SLC4A7: variants seen among roughly 807,000 people sequenced by gnomAD.
The protein encoded by SLC4A7 is solute carrier family 4 member 7.
In SLC4A7, 51 loss-of-function variants were observed where a neutral mutation model predicts 137.6. The ratio of observed to expected loss-of-function variants is 0.37; its 90% CI spans 0.30 to 0.47. The LOEUF (loss-of-function observed/expected upper bound fraction) is 0.47. SLC4A7 is among the 20% of genes least tolerant of loss of function. The pLI is 1.00. For synonymous variants in SLC4A7, 542 were observed against 518.6 expected, an observed-to-expected ratio of 1.05 and a Z score of -0.61; for missense variants, 1,247 against 1,525.4, an observed-to-expected ratio of 0.82 and a Z score of 3.04.
intron 1 of SLC4A7, among the ~76,000 whole-genome samples, chr3:27,479,587 A>G (rs1482589958): frequency 1.3e-5 from 2 of 152,238 alleles, no homozygotes; most frequent in African/African-American, 2.4e-5. Context: ...AAACACTACC[A>G]TAACACTATA....
chr3:27,424,245 T>C, intron 7 of SLC4A7, 93 bp from the exon 8 acceptor site: 1 of 625,920 alleles, frequency 1.6e-6, no homozygotes, highest in Admixed American at 3.3e-5. Flanking sequence ...TTTATGAATA[T>C]TATAAAAGCA....
rs1047188391 is a variant in SLC4A7 at position 27,438,903 on chromosome 3, G to A, written c.290-1377C>T. 1.1e-4 allele frequency among the ~76,000 whole-genome samples: 17 copies of A among 152,322 alleles called. 1 individual carries two copies. The highest frequency in any genetic ancestry group is 1.0e-3 in the Admixed American group (16 of 15,294). On this transcript the variant is annotated intron_variant, in intron 3 of 25. Transcript: ENST00000454389. ...AGCTTGGGGTTTTGGGGTGGAACAA[G>A]TCACTACGAAGAACAGATAACCCAC...
In SLC4A7 at chr3:27,394,522, AG is replaced by A; in HGVS notation, c.3112del (p.Leu1038Ter). 1 of 1,612,664 alleles carries A rather than the reference AG, an allele frequency of 6.2e-7. No homozygotes were observed. The highest frequency in any genetic ancestry group is 2.2e-5 in the East Asian group (1 of 44,874). On this transcript the variant is annotated frameshift_variant, in exon 20 of 26. Coordinates refer to ENST00000454389, the MANE Select transcript of SLC4A7 (RefSeq NM_001321103.2). LOFTEE classifies it high-confidence loss of function. ...MGLSVFMTSV[L>X]KFIPMPVLYG... ...ACGGCAATAAAGAAATTTTACCTTTAGGACTGAAGTCATGAACACAGAGAGG... is the reference window on the plus strand; with the variant it reads ...ACGGCAATAAAGAAATTTTACCTTTAGACTGAAGTCATGAACACAGAGAGG...
In SLC4A7 at chr3:27,375,550, A is replaced by C. The variant is rs1471517196; in HGVS notation, c.*1214T>G. ...ATATAAAATGTCTAATTTCCTTTTA[A>C]AATATAAATATGGCAGTGCTTTATA... On this transcript the variant is annotated 3_prime_UTR_variant, in exon 26 of 26. Coordinates refer to ENST00000454389, the MANE Select transcript of SLC4A7 (RefSeq NM_001321103.2). 6.6e-6 allele frequency: 1 copy of C among 152,482 alleles called. No individual in the cohort carries two copies. Among genetic ancestry groups the C allele is most frequent in the African/African-American group, 2.4e-5 (1 of 41,450 alleles). The allele number at this position is 152,482 out of a possible 1,614,324, so 9.4% of individuals were successfully genotyped here.
intron 24 of SLC4A7, among the ~76,000 whole-genome samples, chr3:27,380,119 C>T (rs553441500): frequency 2.0e-5 from 3 of 152,110 alleles, no homozygotes; most frequent in Middle Eastern, 6.8e-3. Context: ...CCAGCCTGGC[C>T]AACCTAGTGA....
At chr3:27,400,162 C>A (rs1357133810) in intron 16 of SLC4A7, among the ~76,000 whole-genome samples, 1 of 152,154 alleles carries the variant, frequency 6.6e-6, no homozygotes, top group Non-Finnish European at 1.5e-5. Flanking sequence ...AATAAATATT[C>A]TAGGATTAGG....
chr3:27,420,168 A>T (rs1302033270), intron 10 of SLC4A7, among the ~76,000 whole-genome samples: 1 of 152,064 alleles, frequency 6.6e-6, no homozygotes, highest in African/African-American at 2.4e-5. Flanking sequence ...TGTCTCAAAA[A>T]AAAAAAGAAA....
At chr3:27,463,552 A>C (rs2058811848) in intron 1 of SLC4A7, among the ~76,000 whole-genome samples, 1 of 152,172 alleles carries the variant, frequency 6.6e-6, no homozygotes, top group African/African-American at 2.4e-5. Flanking sequence ...AAAAATAAAA[A>C]ATAAAGCAAG....
intron 15 of SLC4A7, among the ~76,000 whole-genome samples, chr3:27,401,546 GA>G (rs1179161463): frequency 2.0e-5 from 3 of 152,178 alleles, no homozygotes; most frequent in Admixed American, 2.0e-4. Context: ...GGAAAGGCAA[GA>G]AGACAGACTT....
intron 20 of SLC4A7, among the ~76,000 whole-genome samples, chr3:27,393,028 C>A (rs953243152): frequency 5.3e-5 from 8 of 151,764 alleles, no homozygotes; most frequent in Non-Finnish European, 1.0e-4. Flanking sequence ...TAGAACAAAT[C>A]CAAAAGGTCT....
chr3:27,397,989 C>T (rs1481811647), intron 17 of SLC4A7, 192 bp from the exon 18 acceptor site: 3 of 607,202 alleles, frequency 4.9e-6, no homozygotes, highest in African/African-American at 3.7e-5. Flanking sequence ...TCGCAACTAA[C>T]CTAGCAACTC....
Position 27,427,108 on chromosome 3 carries a change from G to A in SLC4A7, c.1151-2956C>T, listed in dbSNP as rs1319187314. Among the ~76,000 whole-genome samples the A allele has an allele frequency of 2.0e-5, 3 of 152,146 alleles. No individual in the cohort carries two copies. In the East Asian group the frequency reaches 5.8e-4, roughly 29 times the overall value. On this transcript the variant is annotated intron_variant, in intron 7 of 25. Transcript: ENST00000454389. ...TGACCCCCAAGGGACTTGTGACAAT[G>A]TCTGGAGACATATTTGGTTGTCACA... is the stretch of plus-strand genomic sequence containing the variant.
intron 17 of SLC4A7, 45 bp downstream of exon 17, chr3:27,398,147 A>G (rs752933753): frequency 6.8e-6 from 10 of 1,472,074 alleles, no homozygotes; most frequent in Non-Finnish European, 9.3e-6. Context: ...AATAAAAACC[A>G]AAAATATGAA....
chr3:27,390,631 A>C (rs565239896), intron 21 of SLC4A7, among the ~76,000 whole-genome samples: 37 of 152,192 alleles, frequency 2.4e-4, no homozygotes, highest in African/African-American at 8.4e-4. Flanking sequence ...ATCTCACAAA[A>C]CTCTTAAAAA....
intron 11 of SLC4A7, among the ~76,000 whole-genome samples, chr3:27,416,031 T>G (rs1345145709): frequency 1.3e-5 from 2 of 152,234 alleles, no homozygotes; most frequent in African/African-American, 4.8e-5. Flanking sequence ...TGTATGACTT[T>G]TCTCTTTTTC....
chr3:27,407,621 A>G (rs1370803084), intron 13 of SLC4A7, among the ~76,000 whole-genome samples: 2 of 151,844 alleles, frequency 1.3e-5, no homozygotes, highest in African/African-American at 4.8e-5. Context: ...CTACTGTACT[A>G]CCCTTTCAAA....
At chr3:27,415,115 A>G (rs2054258347) in intron 11 of SLC4A7, among the ~76,000 whole-genome samples, 1 of 152,178 alleles carries the variant, frequency 6.6e-6, no homozygotes, top group Non-Finnish European at 1.5e-5. Context: ...TCAGCCCCCT[A>G]ATCTAGAGAC....
intron 21 of SLC4A7, 23 bp from the exon 22 acceptor site, chr3:27,390,127 AG>A: frequency 1.4e-6 from 2 of 1,411,976 alleles, no homozygotes; most frequent in Non-Finnish European, 2.0e-6. Context: ...TAAAAAACAA[AG>A]AAGTTTTCAA....
intron 3 of SLC4A7, among the ~76,000 whole-genome samples, chr3:27,446,894 GT>G (rs1343210509): frequency 2.5e-4 from 11 of 43,464 alleles, no homozygotes; most frequent in African/African-American, 7.5e-4. Context: ...TGTTTTTTTT[GT>G]TTTTTTTAAA....
Sources: allele counts gnomAD v4.1 joint callset (sites outside exome capture counted in the v4.1 genomes callset), GRCh38; gene constraint gnomAD v4.1.1; transcripts MANE v1.5; gene names NCBI Gene and HGNC (gene_info 2026-07-23, HGNC 2026-07-21).